TRADD: variants seen among roughly 807,000 people sequenced by gnomAD.
The protein encoded by TRADD is TNFRSF1A associated via death domain, also known as tumor necrosis factor receptor type 1-associated DEATH domain protein.
TRADD carries 14 observed loss-of-function variants against 31.5 expected under a neutral mutation model. The ratio of observed to expected loss-of-function variants is 0.44; its 90% confidence interval spans 0.29 to 0.69. The LOEUF (loss-of-function observed/expected upper bound fraction) is 0.69, where lower values mean the gene tolerates loss of function less well. Ranked by LOEUF, TRADD falls within the 30% of genes least tolerant of loss-of-function variation. TRADD has a pLI of 0.11. For synonymous variants in TRADD, 220 were observed against 215.8 expected (o/e 1.02, Z -0.17); for missense variants, 388 against 435.7 (o/e 0.89, Z 0.97).
chr16:67,155,550 A>G lies in TRADD; in HGVS notation c.256T>C (p.Phe86Leu). The stretch of plus-strand genomic sequence containing the variant: ...GCCCCCTCGCGGTAGGCGCGGAGGA[A>G]GCGGCCACAGGGCTGCCGCCCGCAG... Reference protein sequence around the residue: ...RFCGRQPCGRFLRAYREGALR... With the variant: ...RFCGRQPCGRLLRAYREGALR... The change falls in exon 3 of 5, where the codon TTC becomes CTC. Residue 86 changes from phenylalanine (F) to leucine (L), a missense_variant. Physicochemically the swap from Phe to Leu is conservative, Grantham distance 22. Coordinates refer to ENST00000345057, the MANE Select transcript of TRADD (RefSeq NM_003789.4). 6.6e-7 allele frequency: 1 copy of G among 1,522,626 alleles called. No individual in the cohort carries two copies. The highest frequency in any genetic ancestry group is 1.2e-5 in the South Asian group (1 of 82,796). 94.3% of individuals were successfully genotyped at this position (1,522,626 alleles called of 1,614,324 possible). A position where few individuals can be genotyped will look rare whatever the true frequency, so the allele number is the denominator to read the frequency against.
At chr16:67,158,059 G>A (rs2030764398) in intron 1 of TRADD, among the ~76,000 whole-genome samples, 1 of 152,192 alleles carries the variant, frequency 6.6e-6, no homozygotes, top group Non-Finnish European at 1.5e-5. Flanking sequence ...AGATGGGGTG[G>A]CCCAGCTGCC....
chr16:67,155,575 G>A lies in TRADD; in HGVS notation c.231C>T (p.Phe77=). Reference sequence around the variant, plus strand: ...AGCGGCCACAGGGCTGCCGCCCGCAGAATCGCAGCTGCACGATCAGCTGCG... The same window carrying A: ...AGCGGCCACAGGGCTGCCGCCCGCAAAATCGCAGCTGCACGATCAGCTGCG... ...SDPQLIVQLR[F]CGRQPCGRFL... is the part of the protein sequence containing the mutation. The change falls in exon 3 of 5, where the codon TTC becomes TTT. Residue 77 remains phenylalanine, a synonymous_variant. Coordinates refer to ENST00000345057, the MANE Select transcript of TRADD (RefSeq NM_003789.4). 1 of 1,538,288 alleles carries A rather than the reference G, an allele frequency of 6.5e-7. No individual in the cohort carries two copies. Among genetic ancestry groups the A allele is most frequent in the African/African-American group, 1.4e-5 (1 of 72,102 alleles).
In TRADD at chr16:67,156,074, C is replaced by G. The variant is rs3136637; in HGVS notation, c.152-420G>C. 7.9e-3 allele frequency: 10,621 copies of G among 1,350,052 alleles called. 611 individuals carry two copies. In the African/African-American group the frequency reaches 0.13, roughly 17 times the overall value. 83.6% of individuals were successfully genotyped at this position (1,350,052 alleles called of 1,614,324 possible). A position where few individuals can be genotyped will look rare whatever the true frequency, so the allele number is the denominator to read the frequency against. ...TCCCACTGCTCGGGAAGAAGAGGGGCTCTCGCCGCTCTGAGGCCACGAACA... is the reference window on the plus strand; with the variant it reads ...TCCCACTGCTCGGGAAGAAGAGGGGGTCTCGCCGCTCTGAGGCCACGAACA... On this transcript the variant is annotated intron_variant, in intron 2 of 4. Coordinates refer to ENST00000345057, the MANE Select transcript of TRADD (RefSeq NM_003789.4). This position sits in a 1 kb window ranked among gnomAD's most constrained non-coding sequence, Gnocchi z 4.6.
In TRADD at chr16:67,155,194, G is replaced by A; in HGVS notation, c.530C>T (p.Ser177Leu). ...GGGCACCGGGGGCTGCAAGGGGGCC[G>A]AAGCGACCTCCCCGTCGCCACCCCG... ...GARGGDGEVA[S>L]APLQPPVPSL... Residue 177 changes from serine to leucine, a missense_variant, in exon 4 of 5, where the codon TCG (serine) becomes TTG (leucine). By Grantham distance (145) the Ser-to-Leu change is moderately radical. Transcript: ENST00000345057. 6.3e-7 allele frequency: 1 copy of A among 1,580,036 alleles called. No homozygotes were observed. The highest frequency in any genetic ancestry group is 8.6e-7 in the Non-Finnish European group (1 of 1,165,384).
At position 67,154,980 on chromosome 16, in the gene TRADD, C is replaced by G. The variant is rs184955709; in HGVS notation, c.629-21G>C. 3.1e-5 allele frequency: 50 copies of G among 1,604,694 alleles called. No homozygotes were observed. The highest frequency in any genetic ancestry group is 1.7e-4 in the African/African-American group (13 of 74,854). ...ATTCACTGCAGAGGGAGTGGGGAAA[C>G]GGGGTGAGGGCGGGGACCCCCAGCG... On this transcript the variant is annotated intron_variant, in intron 4 of 4. Transcript: ENST00000345057. This position sits in a 1 kb window ranked among gnomAD's most constrained non-coding sequence, Gnocchi z 5.2.
intron 2 of TRADD, 138 bp from the exon 3 acceptor site, chr16:67,155,792 G>A (rs1196509676): frequency 6.8e-7 from 1 of 1,465,510 alleles, no homozygotes; most frequent in Non-Finnish European, 9.0e-7. Flanking sequence ...AGAGTACCCA[G>A]CTGGGAAGCA....
chr16:67,155,400 A>T lies in TRADD; in HGVS notation c.406T>A (p.Leu136Met). The change falls in exon 3 of 5, where the codon TTG (leucine) becomes ATG (methionine). Residue 136 changes from leucine (L) to methionine (M), a missense_variant. Physicochemically the swap from Leu to Met is conservative, Grantham distance 15 (BLOSUM62 2). Transcript: ENST00000345057. The stretch of plus-strand genomic sequence containing the variant: ...ACCTGCTGGGCTAGGATGCAACTCA[A>T]ACAGCGCTCCTCGTCCGCCAGCAAA... ...DALLADEERCLSCILAQQPDR... is the reference protein window; with the variant it reads ...DALLADEERCMSCILAQQPDR... 6.3e-7 allele frequency: 1 copy of T among 1,599,000 alleles called. No individual in the cohort carries two copies. The highest frequency in any genetic ancestry group is 8.5e-7 in the Non-Finnish European group (1 of 1,179,662).
At chr16:67,158,656 CAT>C (rs1216887799) in intron 1 of TRADD, among the ~76,000 whole-genome samples, 1 of 152,106 alleles carries the variant, frequency 6.6e-6, no homozygotes, top group Non-Finnish European at 1.5e-5. Context: ...GTGAAGTAGA[CAT>C]ATTTTCTTTG....
Position 67,155,484 on chromosome 16 carries a change from C to T in TRADD, c.322G>A (p.Ala108Thr). ...AGTTGCAGCGGCACCGAGTGCTGGGCGAGCGCGGCCGCCAGGCTCCTCTGC... is the reference window on the plus strand; with the variant it reads ...AGTTGCAGCGGCACCGAGTGCTGGGTGAGCGCGGCCGCCAGGCTCCTCTGC... ...ALQRSLAAAL[A>T]QHSVPLQLEL... Residue 108 changes from alanine to threonine, a missense_variant, in exon 3 of 5, where the codon GCC becomes ACC. Physicochemically the swap from Ala to Thr is moderately conservative, Grantham distance 58. Transcript: ENST00000345057. The T allele has an allele frequency of 6.4e-7, 1 of 1,565,602 alleles. No homozygotes were observed. The highest frequency in any genetic ancestry group is 2.3e-5 in the East Asian group (1 of 43,004).
chr16:67,156,022 A>T lies in TRADD; in HGVS notation c.152-368T>A. On this transcript the variant is annotated intron_variant, in intron 2 of 4. Transcript: ENST00000345057. The surrounding 1 kb of genome is among the most constrained non-coding windows in gnomAD (Gnocchi z 4.6). Reference sequence around the variant, plus strand: ...AGGGCAGAGGAGGGCGAGAGGTCTCAGGTCTTCGGCCTCCACCAAGCGCGA... The same window carrying T: ...AGGGCAGAGGAGGGCGAGAGGTCTCTGGTCTTCGGCCTCCACCAAGCGCGA... 1.5e-6 allele frequency: 2 copies of T among 1,376,252 alleles called. No individual in the cohort carries two copies. Among genetic ancestry groups the T allele is most frequent in the Non-Finnish European group, 1.9e-6 (2 of 1,046,352 alleles). 85.3% of individuals were successfully genotyped at this position (1,376,252 alleles called of 1,614,324 possible). A position where few individuals can be genotyped will look rare whatever the true frequency, so the allele number is the denominator to read the frequency against.
chr16:67,156,339 G>A lies in TRADD; in HGVS notation c.151+171C>T. The stretch of plus-strand genomic sequence containing the variant: ...ATCATACACAGACTCGAGAACACAC[G>A]CCTATCCTCAAGGTCATGCCACAAG... On this transcript the variant is annotated intron_variant, in intron 2 of 4. Coordinates refer to ENST00000345057, the MANE Select transcript of TRADD (RefSeq NM_003789.4). The surrounding 1 kb of genome is among the most constrained non-coding windows in gnomAD (Gnocchi z 4.6). 1 of 1,188,576 alleles carries A rather than the reference G, an allele frequency of 8.4e-7. No homozygotes were observed. The highest frequency in any genetic ancestry group is 1.4e-5 in the South Asian group (1 of 72,190). The allele number at this position is 1,188,576 out of a possible 1,614,324, so 73.6% of individuals were successfully genotyped here. A position where few individuals can be genotyped will look rare whatever the true frequency, so the allele number is the denominator to read the frequency against.
At position 67,155,664 on chromosome 16, in the gene TRADD, C is replaced by T; in HGVS notation, c.152-10G>A. 3 of 1,565,632 alleles carry T rather than the reference C, an allele frequency of 1.9e-6. No homozygotes were observed. The highest frequency in any genetic ancestry group is 1.7e-6 in the Non-Finnish European group (2 of 1,164,082). On this transcript the variant is annotated splice_polypyrimidine_tract_variant and intron_variant, in intron 2 of 4. Transcript: ENST00000345057. The stretch of plus-strand genomic sequence containing the variant: ...GGGCTCCCGCCGCTCTCTGCGGAGG[C>T]GGGCGGTCAGGCGCCGGGCGGTCCC...
chr16:67,156,668 C>T lies in TRADD; in HGVS notation c.-8G>A. ...ATTTTGCCCAGCTGCCATCTCACCT[C>T]CTGGAGATGCAGACAGTCAGGTATC... is the stretch of plus-strand genomic sequence containing the variant. On this transcript the variant is annotated splice_region_variant and 5_prime_UTR_variant, in exon 2 of 5. Transcript: ENST00000345057. This position sits in a 1 kb window ranked among gnomAD's most constrained non-coding sequence, Gnocchi z 4.6. The T allele has an allele frequency of 1.2e-6, 2 of 1,613,830 alleles. No individual in the cohort carries two copies. Among genetic ancestry groups the T allele is most frequent in the Non-Finnish European group, 1.7e-6 (2 of 1,180,022 alleles).
chr16:67,154,740 T>C lies in TRADD; in HGVS notation c.848A>G (p.Gln283Arg), dbSNP rs1246914536. 3.7e-6 allele frequency: 6 copies of C among 1,611,116 alleles called. No individual in the cohort carries two copies. The African/African-American group carries it at 6.7e-5, about 18-fold the overall frequency. ...VQAEGRRATL[Q>R]RLVEALEENE... ...CTCCTCGAGTGCCTCCACCAGGCGC[T>C]GCAGCGTGGCGCGGCGGCCCTCGGC... The change falls in exon 5 of 5, where the codon CAG (glutamine) becomes CGG (arginine). Residue 283 changes from glutamine (Q) to arginine (R), a missense_variant. Transcript: ENST00000345057. This position sits in a 1 kb window ranked among gnomAD's most constrained non-coding sequence, Gnocchi z 5.2.
chr16:67,157,619 A>C (rs1311281098), intron 1 of TRADD, among the ~76,000 whole-genome samples: 1 of 152,188 alleles, frequency 6.6e-6, no homozygotes, highest in African/African-American at 2.4e-5. Flanking sequence ...TGGACTTTTC[A>C]GTTATGTGAG....
At chr16:67,158,679 G>A (rs2145910058) in intron 1 of TRADD, among the ~76,000 whole-genome samples, 1 of 152,254 alleles carries the variant, frequency 6.6e-6, no homozygotes, top group Middle Eastern at 3.4e-3. Flanking sequence ...TATTAAAAGA[G>A]CAAAATAAAT....
chr16:67,154,934 G>C lies in TRADD; in HGVS notation c.654C>G (p.Asp218Glu). 1 of 1,609,762 alleles carries C rather than the reference G, an allele frequency of 6.2e-7. No individual in the cohort carries two copies. The highest frequency in any genetic ancestry group is 1.3e-5 in the African/African-American group (1 of 74,992). ...CCACAGAGCGCGCGAACGTCTGTTG[G>C]TCCTTCAGGCTCAGCGGCCGATTCA... is the stretch of plus-strand genomic sequence containing the variant. ...PVVNRPLSLKDQQTFARSVGL... is the reference protein window; with the variant it reads ...PVVNRPLSLKEQQTFARSVGL... The change falls in exon 5 of 5, where the codon GAC (aspartate) becomes GAG (glutamate). Residue 218 changes from aspartate to glutamate, a missense_variant. Asp to Glu is a conservative substitution (Grantham distance 45). Transcript: ENST00000345057. This position sits in a 1 kb window ranked among gnomAD's most constrained non-coding sequence, Gnocchi z 5.2.
chr16:67,155,050 C>T, intron 4 of TRADD, 46 bp downstream of exon 4: 1 of 1,547,986 alleles, frequency 6.5e-7, no homozygotes, highest in East Asian at 2.4e-5. Context: ...TGCCCCTCCC[C>T]AGACTCCAAC....
chr16:67,158,580 TG>T (rs1432742651), intron 1 of TRADD, among the ~76,000 whole-genome samples: 1 of 140,386 alleles, frequency 7.1e-6, no homozygotes, highest in African/African-American at 2.7e-5. Context: ...GGAAGGTAGG[TG>T]GGGGTGGGGA....
Sources: gnomAD v4.1 joint callset for allele counts (sites outside exome capture counted in the v4.1 genomes callset) on GRCh38, gnomAD v4.1.1 for gene constraint, Gnocchi (gnomAD v3.1) non-coding constraint, MANE v1.5 for transcripts, NCBI Gene and HGNC (gene_info 2026-07-23, HGNC 2026-07-21) for gene names.